NAV1: variants seen among roughly 807,000 people sequenced by gnomAD.
The protein encoded by NAV1 is neuron navigator 1, also known as pore membrane and/or filament interacting like protein 3.
Under a neutral mutation model 175.2 loss-of-function variants are expected in NAV1, and 18 were observed. That is an observed-to-expected ratio of 0.10 (90% CI 0.07 to 0.15). The LOEUF is 0.15. Ranked by LOEUF, NAV1 falls within the 10% of genes least tolerant of loss-of-function variation. NAV1 has a pLI of 1.00. For synonymous variants in NAV1, 897 were observed against 978.7 expected, an observed-to-expected ratio of 0.92 and a Z score of 1.56; for missense variants, 1,731 against 2,436.6, an observed-to-expected ratio of 0.71 and a Z score of 6.10.
At chr1:201,678,967 C>G (rs1318772295) in intron 1 of NAV1, among the ~76,000 whole-genome samples, 5 of 152,128 alleles carry the variant, frequency 3.3e-5, no homozygotes, top group African/African-American at 1.2e-4. Flanking sequence ...GGAGGGGAGG[C>G]TCCCGTGGAG....
chr1:201,551,769 A>G (rs1665861722), intron 1 of NAV1, among the ~76,000 whole-genome samples: 1 of 152,084 alleles, frequency 6.6e-6, no homozygotes, highest in Non-Finnish European at 1.5e-5. Context: ...TCTGTTTCTC[A>G]TTTTCTCATC....
intron 1 of NAV1, among the ~76,000 whole-genome samples, chr1:201,659,912 G>T (rs1669543180): frequency 6.6e-6 from 1 of 152,186 alleles, no homozygotes; most frequent in African/African-American, 2.4e-5. Flanking sequence ...CATGCCCTGG[G>T]CATTGCCATG....
rs1667864725 is a variant in NAV1, at chr1:201,612,097, TGA to T, written c.-32-10754_-32-10753del. ...CTGTGTGTCAGAATGTGTGTGTGTG[TGA>T]GTGTGTGTGTCTTAGTCCATTCAGG... On this transcript the variant is annotated intron_variant, in intron 2 of 33. Transcript: ENST00000685211. Among the ~76,000 whole-genome samples the T allele has an allele frequency of 2.0e-5, 3 of 152,264 alleles. No homozygotes were observed. In the South Asian group the frequency reaches 6.2e-4, roughly 32 times the overall value.
At chr1:201,715,839 C>T (rs1048618627) in intron 2 of NAV1, among the ~76,000 whole-genome samples, 1 of 152,142 alleles carries the variant, frequency 6.6e-6, no homozygotes. Flanking sequence ...TTTCCCCCAG[C>T]GAGGAGAGTC....
At chr1:201,707,879 A>G (rs952374494) in intron 1 of NAV1, among the ~76,000 whole-genome samples, 1 of 152,240 alleles carries the variant, frequency 6.6e-6, no homozygotes, top group Non-Finnish European at 1.5e-5. Context: ...GTAGGTGTGT[A>G]TATCTGGAGG....
chr1:201,596,599 C>T (rs1447483048), intron 2 of NAV1, among the ~76,000 whole-genome samples: 5 of 152,226 alleles, frequency 3.3e-5, no homozygotes, highest in East Asian at 3.8e-4. Flanking sequence ...GACTTAGTGC[C>T]TGGTCATGAG....
At chr1:201,780,136 A>C (rs548050899) in intron 3 of NAV1, among the ~76,000 whole-genome samples, 1 of 152,344 alleles carries the variant, frequency 6.6e-6, no homozygotes, top group South Asian at 2.1e-4. Flanking sequence ...GATTGATCCA[A>C]AAATTACCTT....
chr1:201,616,019 T>C (rs114326496), intron 2 of NAV1, among the ~76,000 whole-genome samples: 4 of 150,044 alleles, frequency 2.7e-5, no homozygotes, highest in African/African-American at 1.0e-4. Context: ...TTTTTTTTTG[T>C]CTCTGTGATC....
intron 3 of NAV1, among the ~76,000 whole-genome samples, chr1:201,730,081 C>T (rs886992210): frequency 1.3e-5 from 2 of 152,130 alleles, no homozygotes; most frequent in African/African-American, 4.8e-5. Flanking sequence ...TGCAAAATCC[C>T]CTCCCTCCAG....
chr1:201,715,598 A>G (rs1672106871), intron 2 of NAV1, among the ~76,000 whole-genome samples: 1 of 152,174 alleles, frequency 6.6e-6, no homozygotes, highest in African/African-American at 2.4e-5. Context: ...ACGCTGGCTG[A>G]TGAGGGTAGG....
chr1:201,733,865 C>T (rs188237704), intron 3 of NAV1, among the ~76,000 whole-genome samples: 4 of 152,218 alleles, frequency 2.6e-5, no homozygotes, highest in East Asian at 3.9e-4. Flanking sequence ...GCCATGTGTG[C>T]CATGCTGAGG....
At chr1:201,774,845 A>G (rs770510640) in intron 3 of NAV1, among the ~76,000 whole-genome samples, 10 of 152,232 alleles carry the variant, frequency 6.6e-5, no homozygotes, top group Admixed American at 1.3e-4. Flanking sequence ...CCACAAAGAC[A>G]AAGAATAGGA....
At chr1:201,542,857 T>G (rs1429233752) in intron 1 of NAV1, among the ~76,000 whole-genome samples, 1 of 152,270 alleles carries the variant, frequency 6.6e-6, no homozygotes, top group East Asian at 1.9e-4. Context: ...AAGACTGTTC[T>G]GATATCCAAT....
chr1:201,562,963 G>A (rs112636229), intron 1 of NAV1, among the ~76,000 whole-genome samples: 9 of 152,186 alleles, frequency 5.9e-5, no homozygotes, highest in Non-Finnish European at 1.0e-4. Flanking sequence ...AGCCTAGGAC[G>A]GTGGGTGAAT....
Position 201,609,021 on chromosome 1 carries a change from A to G in NAV1, c.-32-13832A>G, listed in dbSNP as rs75257162. The stretch of plus-strand genomic sequence containing the variant: ...GGGCAATGGGACTGGAATGATCTTC[A>G]GTGCTGGAATTGCTTGCCCCGCTTT... On this transcript the variant is annotated intron_variant, in intron 2 of 33. Transcript: ENST00000685211. Among the ~76,000 whole-genome samples the G allele has an allele frequency of 3.6e-3, 544 of 152,350 alleles. 4 individuals are homozygous for G. The highest frequency in any genetic ancestry group is 0.013 in the African/African-American group (527 of 41,582).
In NAV1 at chr1:201,655,848, C is replaced by CT. The variant is rs1048896336; in HGVS notation, c.757+6433dup. On this transcript the variant is annotated intron_variant, in intron 1 of 29. Transcript: ENST00000367296. ...GGTGCTTTGCACCTTCTATAAGCAC[C>CT]TTTTTTTTTTCTCAGACTTGATGCC... Among the ~76,000 whole-genome samples the CT allele has an allele frequency of 3.2e-3, 475 of 150,302 alleles. 3 individuals are homozygous for CT. Among genetic ancestry groups the CT allele is most frequent in the African/African-American group, 0.011 (437 of 41,050 alleles).
intron 1 of NAV1, among the ~76,000 whole-genome samples, chr1:201,623,960 G>A (rs1186506017): frequency 6.6e-6 from 1 of 152,170 alleles, no homozygotes; most frequent in Non-Finnish European, 1.5e-5. Flanking sequence ...TAGATACATA[G>A]GCAGTGTCAG....
chr1:201,734,604 T>C (rs1673031796), intron 3 of NAV1, among the ~76,000 whole-genome samples: 1 of 152,032 alleles, frequency 6.6e-6, no homozygotes, highest in Non-Finnish European at 1.5e-5. Context: ...GGATCCAAAT[T>C]AGCAACGGAG....
Position 201,633,882 on chromosome 1 carries a change from G to A in NAV1, c.4+4375G>A, listed in dbSNP as rs1378068393. Reference sequence around the variant, plus strand: ...GGCAGAGGTGGCTTGGGAGTGCGAGGGTCTCTGGAGACTCTGTTGGATAAA... The same window carrying A: ...GGCAGAGGTGGCTTGGGAGTGCGAGAGTCTCTGGAGACTCTGTTGGATAAA... On this transcript the variant is annotated intron_variant, in intron 2 of 29. Transcript: ENST00000367302. Among the ~76,000 whole-genome samples the A allele has an allele frequency of 2.0e-5, 3 of 152,184 alleles. No homozygotes were observed. In the East Asian group the frequency reaches 5.8e-4, roughly 29 times the overall value.
Sources: gnomAD v4.1 joint callset for allele counts (sites outside exome capture counted in the v4.1 genomes callset) on GRCh38, gnomAD v4.1.1 for gene constraint, MANE v1.5 for transcripts, NCBI Gene and HGNC (gene_info 2026-07-23, HGNC 2026-07-21) for gene names.